The following VAC14 variants were observed in gnomAD, a reference collection of about 807,000 sequenced individuals.
The protein encoded by VAC14 is protein VAC14 homolog.
VAC14 carries 47 observed loss-of-function variants against 85.3 expected under a neutral mutation model. The ratio of observed to expected loss-of-function variants is 0.55; its 90% CI spans 0.44 to 0.70. The LOEUF is 0.70. VAC14 is among the 30% of genes least tolerant of loss of function. VAC14 has a pLI of 0.00. For synonymous variants in VAC14, 447 were observed against 430.5 expected (o/e 1.04, Z -0.47); for missense variants, 861 against 1,004.3 (o/e 0.86, Z 1.93).
chr16:70,761,122 T>A (rs1200228635), intron 12 of VAC14: 1 of 452,620 alleles, frequency 2.2e-6, no homozygotes, highest in Non-Finnish European at 4.4e-6. Context: ...GACCTAGAGG[T>A]TGATACCTGC....
chr16:70,701,220 A>C lies in VAC14; in HGVS notation c.1662-2409T>G, dbSNP rs540840741. Among the ~76,000 whole-genome samples the C allele has an allele frequency of 2.6e-5, 4 of 152,238 alleles. No homozygotes were observed. The East Asian group carries it at 5.8e-4, about 22-fold the overall frequency. On this transcript the variant is annotated intron_variant, in intron 14 of 18. Transcript: ENST00000261776. The stretch of plus-strand genomic sequence containing the variant: ...GTGCCTCTTGGTAGTCTGTGGTCCC[A>C]ATCAGTGACTCCCACACATGCCCTC...
chr16:70,755,749 G>A (rs2031788405), intron 12 of VAC14, among the ~76,000 whole-genome samples: 2 of 152,192 alleles, frequency 1.3e-5, no homozygotes, highest in African/African-American at 2.4e-5. Context: ...GTGGTGGAGG[G>A]GCCGTCATTG....
chr16:70,757,624 A>G (rs955850332), intron 12 of VAC14, among the ~76,000 whole-genome samples: 4 of 152,220 alleles, frequency 2.6e-5, no homozygotes, highest in Non-Finnish European at 4.4e-5. Context: ...ACAGGCAGGA[A>G]AACAGAGAGC....
intron 14 of VAC14, among the ~76,000 whole-genome samples, chr16:70,707,292 G>A (rs1025308484): frequency 1.3e-5 from 2 of 152,258 alleles, no homozygotes; most frequent in Non-Finnish European, 1.5e-5. Context: ...AAAATTCATC[G>A]TTGTTTAATG....
At chr16:70,719,448 C>G (rs1039577184) in intron 14 of VAC14, among the ~76,000 whole-genome samples, 8 of 152,052 alleles carry the variant, frequency 5.3e-5, no homozygotes, top group Non-Finnish European at 1.2e-4. Context: ...AGGCATGCCA[C>G]AGAGTAGGAG....
At chr16:70,692,670 G>GC in intron 18 of VAC14, 151 bp downstream of exon 18, 1 of 1,033,846 alleles carries the variant, frequency 9.7e-7, no homozygotes, top group Non-Finnish European at 1.4e-6. Flanking sequence ...GCAAGTGGCT[G>GC]CGGGGGGGAT....
chr16:70,730,666 C>T (rs1441048460), intron 14 of VAC14, among the ~76,000 whole-genome samples: 3 of 142,176 alleles, frequency 2.1e-5, no homozygotes, highest in Non-Finnish European at 3.0e-5. Flanking sequence ...GGTGTGATCT[C>T]GGCTCACTGC....
chr16:70,794,383 T>C (rs2034457913), intron 1 of VAC14, among the ~76,000 whole-genome samples: 1 of 152,212 alleles, frequency 6.6e-6, no homozygotes, highest in Non-Finnish European at 1.5e-5. Context: ...AATCACACAA[T>C]ATGTGGCCTT....
At chr16:70,691,242 G>C (rs1013304659) in intron 18 of VAC14, 266 of 985,346 alleles carry the variant, frequency 2.7e-4, no homozygotes, top group Non-Finnish European at 3.1e-4. Context: ...TCGGAGACCC[G>C]GGAGAGGCTG....
At position 70,785,871 on chromosome 16, in the gene VAC14, T is replaced by C; in HGVS notation, c.256-2A>G. 1 of 1,602,698 alleles carries C rather than the reference T, an allele frequency of 6.2e-7. No individual in the cohort carries two copies. Among genetic ancestry groups the C allele is most frequent in the Non-Finnish European group, 8.5e-7 (1 of 1,173,502 alleles). ...CTCCTTCAGGTAGAGCCCTGAGTCC[T>C]GCAAGGAGGCAGGAGGAGAAGACAG... On this transcript the variant is annotated splice_acceptor_variant, in intron 2 of 18. Coordinates refer to ENST00000261776, the MANE Select transcript of VAC14 (RefSeq NM_018052.5). LOFTEE classifies it high-confidence loss of function.
At chr16:70,752,943 T>A (rs1294863121) in intron 12 of VAC14, among the ~76,000 whole-genome samples, 1 of 151,128 alleles carries the variant, frequency 6.6e-6, no homozygotes, top group East Asian at 1.9e-4. Flanking sequence ...TAGGAGAGGG[T>A]CTGAGTGGAC....
intron 12 of VAC14, among the ~76,000 whole-genome samples, chr16:70,750,948 C>A (rs981618470): frequency 6.6e-6 from 1 of 152,074 alleles, no homozygotes; most frequent in African/African-American, 2.4e-5. Context: ...CTGGGAGGCT[C>A]GTTCTCACCT....
intron 14 of VAC14, among the ~76,000 whole-genome samples, chr16:70,710,261 C>G (rs2054003021): frequency 6.6e-6 from 1 of 152,244 alleles, no homozygotes; most frequent in African/African-American, 2.4e-5. Context: ...CACAGACCTC[C>G]CTTCCCTGGC....
At chr16:70,753,856 G>C (rs1296120934) in intron 12 of VAC14, among the ~76,000 whole-genome samples, 2 of 152,208 alleles carry the variant, frequency 1.3e-5, no homozygotes, top group African/African-American at 2.4e-5. Flanking sequence ...TTGGCTCTAG[G>C]AGGTGTGAGT....
intron 14 of VAC14, among the ~76,000 whole-genome samples, chr16:70,707,921 G>C (rs1025530308): frequency 1.3e-5 from 2 of 151,922 alleles, no homozygotes; most frequent in African/African-American, 4.8e-5. Context: ...CTCCTGAGTA[G>C]CTGGGATTAC....
chr16:70,745,482 AGT>A (rs145054065), intron 12 of VAC14, among the ~76,000 whole-genome samples: 5,283 of 143,804 alleles, frequency 0.037, 205 homozygotes, highest in African/African-American at 0.1. Context: ...GAGGGGCTTC[AGT>A]GTGTGTGTGT....
chr16:70,728,814 T>C (rs141582104), intron 14 of VAC14, among the ~76,000 whole-genome samples: 10 of 152,340 alleles, frequency 6.6e-5, no homozygotes, highest in Non-Finnish European at 1.5e-4. Flanking sequence ...CTGAAAGTCG[T>C]CCAGGCAAGG....
At chr16:70,746,397 T>C (rs1316320537) in intron 12 of VAC14, among the ~76,000 whole-genome samples, 2 of 152,204 alleles carry the variant, frequency 1.3e-5, no homozygotes, top group Admixed American at 6.5e-5. Context: ...TGTGGGCCCC[T>C]GGGACCCTGC....
At chr16:70,761,085 T>C (rs573708646) in intron 12 of VAC14, 6 of 421,360 alleles carry the variant, frequency 1.4e-5, no homozygotes, top group African/African-American at 6.1e-5. Flanking sequence ...GTTTTGGATT[T>C]TTCTGGTAAT....
Sources: gnomAD v4.1 joint callset for allele counts (sites outside exome capture counted in the v4.1 genomes callset) on GRCh38, gnomAD v4.1.1 for gene constraint, MANE v1.5 for transcripts, NCBI Gene and HGNC (gene_info 2026-07-23, HGNC 2026-07-21) for gene names.